Variants in NTAQ1 observed in about 807,000 individuals in gnomAD.
NTAQ1 encodes protein N-terminal glutamine amidohydrolase.
A neutral mutation model predicts 28.2 loss-of-function variants in NTAQ1; 21 were observed. That is an observed-to-expected ratio of 0.74 (90% CI 0.53 to 1.07). The LOEUF (loss-of-function observed/expected upper bound fraction) is 1.07. Among genes scored for constraint, NTAQ1 ranks in the 50% least tolerant of loss-of-function variants. The probability of loss-of-function intolerance (pLI) is 0.00; values close to 1 mark genes in which losing one functional copy is unlikely to be tolerated. For synonymous variants in NTAQ1, 105 were observed against 90.0 expected, an observed-to-expected ratio of 1.17 and a Z score of -0.94; for missense variants, 264 against 256.6, an observed-to-expected ratio of 1.03 and a Z score of -0.20.
intron 3 of NTAQ1, among the ~76,000 whole-genome samples, chr8:123,432,614 G>A (rs1390279680): frequency 6.6e-6 from 1 of 151,194 alleles, no homozygotes; most frequent in Non-Finnish European, 1.5e-5. Flanking sequence ...CATCCTGGGC[G>A]ATACAATGAG....
At chr8:123,446,409 T>C (rs1346332674), downstream of NTAQ1, among the ~76,000 whole-genome samples, 1 of 152,244 alleles carries the variant, frequency 6.6e-6, no homozygotes, top group Non-Finnish European at 1.5e-5. Flanking sequence ...CCACAACTAC[T>C]CAACTCTGCC....
At chr8:123,465,479 C>CT (rs1352774895) in intron 6 of NTAQ1, among the ~76,000 whole-genome samples, 7 of 150,964 alleles carry the variant, frequency 4.6e-5, no homozygotes, top group Non-Finnish European at 1.0e-4. Context: ...CATCTGTTCT[C>CT]TATCACCAGA....
downstream of NTAQ1, among the ~76,000 whole-genome samples, chr8:123,473,637 C>G (rs761456853): frequency 1.3e-5 from 2 of 152,140 alleles, no homozygotes; most frequent in African/African-American, 2.4e-5. Flanking sequence ...AAGTCTTAGA[C>G]GATGAGCAAG....
chr8:123,437,312 A>T lies in NTAQ1; in HGVS notation c.486A>T (p.Pro162=). Reference sequence around the variant, plus strand: ...GGAATTGGAGAGAGCCTCCGCCGCCATATCCCTGCATTGAGACTGGAGGTG... The same window carrying T: ...GGAATTGGAGAGAGCCTCCGCCGCCTTATCCCTGCATTGAGACTGGAGGTG... ...SSGNWREPPP[P]YPCIETGDSK... is the part of the protein sequence containing the mutation. Residue 162 remains proline, a synonymous_variant, in exon 5 of 6, where the codon CCA becomes CCT. Coordinates refer to ENST00000287387, the MANE Select transcript of NTAQ1 (RefSeq NM_018024.3). The T allele has an allele frequency of 6.2e-7, 1 of 1,614,120 alleles. No homozygotes were observed. Among genetic ancestry groups the T allele is most frequent in the Non-Finnish European group, 8.5e-7 (1 of 1,179,974 alleles).
At position 123,420,572 on chromosome 8, in the gene NTAQ1, G is replaced by A. The variant is rs529638470; in HGVS notation, c.83+3640G>A. The stretch of plus-strand genomic sequence containing the variant: ...TCCCCTTTTCTCCACCAACTTGCCA[G>A]CGTCTGTTATTTTTTGCCTTTTTTT... On this transcript the variant is annotated intron_variant, in intron 1 of 5. Transcript: ENST00000287387. Among the ~76,000 whole-genome samples, 8 of 145,572 alleles carry A rather than the reference G, an allele frequency of 5.5e-5. No individual in the cohort carries two copies. The East Asian group carries it at 1.2e-3, about 22-fold the overall frequency.
chr8:123,428,128 C>A, intron 2 of NTAQ1, 105 bp downstream of exon 2: 3 of 749,220 alleles, frequency 4.0e-6, no homozygotes, highest in Non-Finnish European at 6.3e-6. Context: ...TAGTACTCTT[C>A]TGAAGTGTGC....
chr8:123,435,896 C>G (rs1433437500), intron 3 of NTAQ1, among the ~76,000 whole-genome samples: 5 of 145,290 alleles, frequency 3.4e-5, no homozygotes, highest in Non-Finnish European at 7.6e-5. Flanking sequence ...GGCCAGGCAC[C>G]GTGGCTCACA....
chr8:123,436,790 A>G (rs1433893444), intron 4 of NTAQ1, among the ~76,000 whole-genome samples, 189 bp downstream of exon 4: 2 of 152,062 alleles, frequency 1.3e-5, no homozygotes, highest in African/African-American at 4.8e-5. Context: ...AAAGTTATCT[A>G]TCATATGAAA....
chr8:123,417,575 C>CA (rs1279645193), intron 1 of NTAQ1, among the ~76,000 whole-genome samples: 6 of 152,080 alleles, frequency 3.9e-5, no homozygotes, highest in Admixed American at 3.9e-4. Flanking sequence ...TGTCCTAGGC[C>CA]ACCTCTGCAG....
Position 123,422,627 on chromosome 8 carries a change from G to C in NTAQ1, c.84-5297G>C, listed in dbSNP as rs552950781. Among the ~76,000 whole-genome samples the C allele has an allele frequency of 2.3e-5, 3 of 133,000 alleles. No homozygotes were observed. The East Asian group carries it at 6.1e-4, about 27-fold the overall frequency. 87.3% of individuals were successfully genotyped at this position (133,000 alleles called of 152,430 possible). A position where few individuals can be genotyped will look rare whatever the true frequency, so the allele number is the denominator to read the frequency against. The stretch of plus-strand genomic sequence containing the variant: ...GATAGTTTTTTTTTTTTTTTTTGCT[G>C]TGCAGAGCTCTTTAGTTTAATTAGG... On this transcript the variant is annotated intron_variant, in intron 1 of 5. Transcript: ENST00000287387.
intron 6 of NTAQ1, among the ~76,000 whole-genome samples, chr8:123,459,080 T>G (rs1049304457): frequency 6.6e-6 from 1 of 151,076 alleles, no homozygotes; most frequent in African/African-American, 2.4e-5. Context: ...CCGTCTCAAA[T>G]AAATAAAATA....
chr8:123,457,253 G>A (rs1815674989), intron 6 of NTAQ1, among the ~76,000 whole-genome samples: 1 of 152,146 alleles, frequency 6.6e-6, no homozygotes, highest in Admixed American at 6.5e-5. Context: ...TTTTAGTAGA[G>A]ACGGGGTTTC....
Position 123,436,615 on chromosome 8 carries a change from A to C in NTAQ1, c.383+14A>C. ...ACAGTTTAGGAGGTGAGGACATTCA[A>C]GATGGATTTACTTATTTTCTGAAGT... On this transcript the variant is annotated intron_variant, in intron 4 of 5. Transcript: ENST00000287387. 6.2e-7 allele frequency: 1 copy of C among 1,605,082 alleles called. No homozygotes were observed. Among genetic ancestry groups the C allele is most frequent in the Non-Finnish European group, 8.5e-7 (1 of 1,176,984 alleles).
At chr8:123,423,860 C>T (rs2130173348) in intron 1 of NTAQ1, among the ~76,000 whole-genome samples, 1 of 145,228 alleles carries the variant, frequency 6.9e-6, no homozygotes, top group Admixed American at 7.1e-5. Flanking sequence ...TTCATGAACT[C>T]TTTGTAGTTT....
At chr8:123,456,462 A>G (rs535979511) in intron 6 of NTAQ1, among the ~76,000 whole-genome samples, 9 of 152,342 alleles carry the variant, frequency 5.9e-5, no homozygotes, top group African/African-American at 1.9e-4. Context: ...AAGTCAAAAA[A>G]GTGTGGCTGA....
chr8:123,447,479 C>T (rs1195492029), intron 6 of NTAQ1, among the ~76,000 whole-genome samples: 2 of 151,964 alleles, frequency 1.3e-5, no homozygotes, highest in Non-Finnish European at 2.9e-5. Context: ...TCATTGTATG[C>T]CAGGCAATTT....
At chr8:123,426,869 A>G (rs1219986625) in intron 1 of NTAQ1, among the ~76,000 whole-genome samples, 1 of 152,156 alleles carries the variant, frequency 6.6e-6, no homozygotes, top group East Asian at 1.9e-4. Flanking sequence ...CTGAGGCATG[A>G]CAATCACTTG....
chr8:123,421,694 C>CTT (rs71310678), intron 1 of NTAQ1, among the ~76,000 whole-genome samples: 47,532 of 135,426 alleles, frequency 0.35, 8,389 homozygotes, highest in East Asian at 0.55. Context: ...TTTTTCTTTT[C>CTT]TTTTTTTTTT....
rs767518368 is a variant in NTAQ1, at chr8:123,441,326, G to T, written c.529G>T (p.Asp177Tyr). 1.9e-6 allele frequency: 3 copies of T among 1,609,182 alleles called. No individual in the cohort carries two copies. The highest frequency in any genetic ancestry group is 1.7e-5 in the Admixed American group (1 of 59,636). The stretch of plus-strand genomic sequence containing the variant: ...TTTAGATTCCAAAATGAACCTGAAC[G>T]ATTTCATCAGTATGGATCCCAAGGT... ...ETGDSKMNLN[D>Y]FISMDPKVGW... The change falls in exon 6 of 6, where the codon GAT (aspartate) becomes TAT (tyrosine). Residue 177 changes from aspartate to tyrosine, a missense_variant. Asp to Tyr is a radical substitution (Grantham distance 160). Coordinates refer to ENST00000287387, the MANE Select transcript of NTAQ1 (RefSeq NM_018024.3).
Sources: gnomAD v4.1 joint callset for allele counts (sites outside exome capture counted in the v4.1 genomes callset) on GRCh38, gnomAD v4.1.1 for gene constraint, MANE v1.5 for transcripts, NCBI Gene and HGNC (gene_info 2026-07-23, HGNC 2026-07-21) for gene names.